The following PELP1 variants were observed in gnomAD, a reference collection of about 807,000 sequenced individuals.
The protein encoded by PELP1 is proline, glutamate and leucine rich protein 1, also known as proline-, glutamic acid- and leucine-rich protein 1.
Under a neutral mutation model 95.5 loss-of-function variants are expected in PELP1, and 32 were observed. That is an observed-to-expected ratio of 0.34 (90% CI 0.25 to 0.45). PELP1 has a LOEUF of 0.45. Ranked by LOEUF, PELP1 falls within the 20% of genes least tolerant of loss-of-function variation. The pLI is 1.00. For missense variants in PELP1, 1,358 were observed against 1,444.8 expected, an observed-to-expected ratio of 0.94 and a Z score of 0.97; for synonymous variants, 668 against 600.1, an observed-to-expected ratio of 1.11 and a Z score of -1.65.
At chr17:4,691,277 G>A in intron 2 of PELP1, 101 bp downstream of exon 2, 1 of 856,702 alleles carries the variant, frequency 1.2e-6, no homozygotes, top group Non-Finnish European at 2.0e-6. Context: ...ATAGAGAGAG[G>A]TCTTGAATCC....
At chr17:4,699,188 G>A (rs1338073014) in intron 1 of PELP1, among the ~76,000 whole-genome samples, 1 of 152,090 alleles carries the variant, frequency 6.6e-6, no homozygotes. Flanking sequence ...GACCGTCCTG[G>A]CTAACACGGT....
chr17:4,691,630 C>T (rs1913103768), intron 1 of PELP1, 188 bp from the exon 2 acceptor site: 5 of 599,044 alleles, frequency 8.3e-6, no homozygotes, highest in African/African-American at 5.6e-5. Context: ...GGCTGTTTCT[C>T]GGCCTTTCCT....
At chr17:4,702,745 G>A (rs1913592521) in intron 1 of PELP1, among the ~76,000 whole-genome samples, 1 of 152,216 alleles carries the variant, frequency 6.6e-6, no homozygotes, top group Admixed American at 6.5e-5. Context: ...CAGGAATGAA[G>A]GGTGGACACA....
chr17:4,695,093 C>T (rs549324130), intron 1 of PELP1, among the ~76,000 whole-genome samples: 11 of 151,840 alleles, frequency 7.2e-5, no homozygotes, highest in African/African-American at 2.2e-4. Context: ...GCAGCCGAAG[C>T]GGGTGGATCA....
Position 4,672,559 on chromosome 17 carries a change from A to G in PELP1, c.2432T>C (p.Ile811Thr), listed in dbSNP as rs376041210. The change falls in exon 16 of 17, where the codon ATA (isoleucine) becomes ACA (threonine). Residue 811 changes from isoleucine (I) to threonine (T), a missense_variant. Around this residue, in one of 7 missense-constraint regions of PELP1, gnomAD observed 340 missense variants for 322.9 expected, o/e 1.05. Transcript: ENST00000572293. ...GGCTGTTGGTGGCCCAGTGGGGGCT[A>G]TAGGGGGTGGTGTGGCACCTGAGGG... ...PPPSGATPPP[I>T]APTGPPTASP... is the part of the protein sequence containing the mutation. The G allele has an allele frequency of 3.5e-5, 40 of 1,158,720 alleles. No individual in the cohort carries two copies. Among genetic ancestry groups the G allele is most frequent in the Non-Finnish European group, 4.1e-5 (36 of 880,090 alleles). The allele number at this position is 1,158,720 out of a possible 1,614,324, so 71.8% of individuals were successfully genotyped here.
At position 4,704,007 on chromosome 17, in the gene PELP1, C is replaced by T. The variant is rs774369385; in HGVS notation, c.105G>A (p.Leu35=). 2 of 1,613,278 alleles carry T rather than the reference C, an allele frequency of 1.2e-6. No homozygotes were observed. Among genetic ancestry groups the T allele is most frequent in the Non-Finnish European group, 8.5e-7 (1 of 1,179,740 alleles). Residue 35 remains leucine, a synonymous_variant, in exon 1 of 17, where the codon CTG becomes CTA. Transcript: ENST00000572293. ...AACCAGAAACACTCTCCAGCAGCAG[C>T]AGGCGGAGCCGCGGGCCCGAGCTCA... ...SAVSSGPRLR[L]LLLESVSGLL... is the part of the protein sequence containing the mutation.
intron 2 of PELP1, 174 bp downstream of exon 2, chr17:4,691,204 G>C: frequency 1.5e-6 from 1 of 648,180 alleles, no homozygotes; most frequent in Non-Finnish European, 2.7e-6. Context: ...CTGGGAGCTG[G>C]AAAAGGTAGG....
In PELP1 at chr17:4,672,237, CTCT is replaced by C. The variant is rs780322097; in HGVS notation, c.2751_2753del (p.Glu919del). 145 of 1,552,350 alleles carry C rather than the reference CTCT, an allele frequency of 9.3e-5. No homozygotes were observed. The highest frequency in any genetic ancestry group is 6.8e-4 in the East Asian group (28 of 41,072). ...CCTCTTCTTCCTCTTCAAAATATTC[CTCT>C]TCATCCTCTTCCTCTTCCTCAAAGT... On this transcript the variant is annotated inframe_deletion, in exon 16 of 17. Coordinates refer to ENST00000572293, the MANE Select transcript of PELP1 (RefSeq NM_014389.3).
chr17:4,675,445 C>A lies in PELP1; in HGVS notation c.1069-83G>T, dbSNP rs1448144647. ...GACAGAAACAGGGAATGACCATTTA[C>A]ATATGTACACATAGGTAAGAAACCC... On this transcript the variant is annotated intron_variant, in intron 9 of 16. Transcript: ENST00000572293. This position sits in a 1 kb window ranked among gnomAD's most constrained non-coding sequence, Gnocchi z 4.3. The A allele has an allele frequency of 1.6e-5, 14 of 874,652 alleles. No individual in the cohort carries two copies. Among genetic ancestry groups the A allele is most frequent in the Non-Finnish European group, 2.4e-5 (13 of 540,802 alleles). 54.2% of individuals were successfully genotyped at this position (874,652 alleles called of 1,614,324 possible).
intron 3 of PELP1, among the ~76,000 whole-genome samples, chr17:4,684,844 G>A (rs1912849320): frequency 6.6e-6 from 1 of 152,178 alleles, no homozygotes. Context: ...GGGATTACAG[G>A]CACATGCCAC....
chr17:4,673,350 A>G lies in PELP1; in HGVS notation c.1745T>C (p.Leu582Pro). 1 of 1,595,966 alleles carries G rather than the reference A, an allele frequency of 6.3e-7. No individual in the cohort carries two copies. The highest frequency in any genetic ancestry group is 1.8e-5 in the Admixed American group (1 of 56,856). ...SSRCRRELYC[L>P]LLALLLAPSP... ...CGGGGCCAGCAGCAGCGCCAGCAGCAGGCAGTAGAGTTCACGGCGGCAGCG... is the reference window on the plus strand; with the variant it reads ...CGGGGCCAGCAGCAGCGCCAGCAGCGGGCAGTAGAGTTCACGGCGGCAGCG... Residue 582 changes from leucine to proline, a missense_variant, in exon 15 of 17, where the codon CTG becomes CCG. This residue lies in a region of PELP1 where 538 missense variants were observed against 628.1 expected (regional missense o/e 0.86). Coordinates refer to ENST00000572293, the MANE Select transcript of PELP1 (RefSeq NM_014389.3). This position sits in a 1 kb window ranked among gnomAD's most constrained non-coding sequence, Gnocchi z 5.7.
intron 5 of PELP1, among the ~76,000 whole-genome samples, chr17:4,681,724 C>T (rs569452893): frequency 2.6e-5 from 4 of 151,444 alleles, no homozygotes; most frequent in East Asian, 1.9e-4. Flanking sequence ...TGCTTGAACC[C>T]GGGAGGCAGA....
chr17:4,676,620 C>T (rs1597447882), intron 6 of PELP1, 113 bp from the exon 7 acceptor site: 1 of 1,445,698 alleles, frequency 6.9e-7, no homozygotes, highest in Admixed American at 1.9e-5. Flanking sequence ...CTGAGGGAAA[C>T]CTGAGATGGG....
intron 1 of PELP1, among the ~76,000 whole-genome samples, chr17:4,696,996 G>A (rs560794620): frequency 8.2e-4 from 125 of 152,252 alleles, no homozygotes; most frequent in African/African-American, 2.9e-3. Context: ...ATGCCAAATA[G>A]GCACCGGCTA....
In PELP1 at chr17:4,682,951, G is replaced by A; in HGVS notation, c.422C>T (p.Thr141Ile). The change falls in exon 4 of 17, where the codon ACC becomes ATC. Residue 141 changes from threonine to isoleucine, a missense_variant and splice_region_variant. Coordinates refer to ENST00000572293, the MANE Select transcript of PELP1 (RefSeq NM_014389.3). The stretch of plus-strand genomic sequence containing the variant: ...CTCCATTGTGGCAGGCGGGTCCTGG[G>A]TCTAAAGAAAAAAATAATGTCTCGT... ...WLRSIQQVLQ[T>I]QDPPATMELA... is the part of the protein sequence containing the mutation. 4 of 1,360,584 alleles carry A rather than the reference G, an allele frequency of 2.9e-6. No individual in the cohort carries two copies. The highest frequency in any genetic ancestry group is 3.9e-5 in the Admixed American group (1 of 25,748). The allele number at this position is 1,360,584 out of a possible 1,614,324, so 84.3% of individuals were successfully genotyped here. A position where few individuals can be genotyped will look rare whatever the true frequency, so the allele number is the denominator to read the frequency against.
intron 12 of PELP1, 37 bp from the exon 13 acceptor site, chr17:4,674,706 AAAC>A (rs1254622955): frequency 1.3e-6 from 2 of 1,590,382 alleles, no homozygotes; most frequent in African/African-American, 1.4e-5. Context: ...ATCCACAGGC[AAAC>A]AACAAGGCAA....
At chr17:4,701,665 C>A (rs992825510) in intron 1 of PELP1, among the ~76,000 whole-genome samples, 3 of 152,194 alleles carry the variant, frequency 2.0e-5, no homozygotes, top group Non-Finnish European at 2.9e-5. Flanking sequence ...CCCTTGCTCG[C>A]AAGCTCCAGG....
chr17:4,683,442 G>C lies in PELP1; in HGVS notation c.421-490C>G, dbSNP rs371654093. ...TCACTATGTTAGCCAGGATGGTCTC[G>C]ATCTCCGACCTCGTGATCTGCCCGC... On this transcript the variant is annotated intron_variant, in intron 3 of 16. Transcript: ENST00000572293. Among the ~76,000 whole-genome samples the C allele has an allele frequency of 5.2e-3, 785 of 150,198 alleles. 4 individuals carry two copies. Among genetic ancestry groups the C allele is most frequent in the South Asian group, 6.9e-3 (33 of 4,786 alleles).
chr17:4,683,399 T>C, intron 3 of PELP1, among the ~76,000 whole-genome samples: 1 of 151,838 alleles, frequency 6.6e-6, no homozygotes, highest in Non-Finnish European at 1.5e-5. Context: ...TTTTTGTATT[T>C]TTAGTAGAGA....
Sources: allele counts gnomAD v4.1 joint callset (sites outside exome capture counted in the v4.1 genomes callset), GRCh38; gene constraint gnomAD v4.1.1; regional missense constraint gnomAD v4.1.1; non-coding constraint Gnocchi (gnomAD v3.1); transcripts MANE v1.5; gene names NCBI Gene and HGNC (gene_info 2026-07-23, HGNC 2026-07-21).